Variants in ELOVL7 observed in about 807,000 individuals in gnomAD.
ELOVL7 encodes very long chain fatty acid elongase 7.
A neutral mutation model predicts 35.7 loss-of-function variants in ELOVL7; 27 were observed. The observed-to-expected ratio is 0.76, with a 90% CI of 0.56 to 1.04. The LOEUF is 1.04. Among genes scored for constraint, ELOVL7 ranks in the 50% least tolerant of loss-of-function variants. The pLI is 0.00. For synonymous variants in ELOVL7, 113 were observed against 114.6 expected, an observed-to-expected ratio of 0.99 and a Z score of 0.09; for missense variants, 327 against 340.8, an observed-to-expected ratio of 0.96 and a Z score of 0.32.
At chr5:60,821,504 A>T (rs949102443) in intron 1 of ELOVL7, among the ~76,000 whole-genome samples, 12 of 152,160 alleles carry the variant, frequency 7.9e-5, no homozygotes, top group African/African-American at 2.7e-4. Context: ...ATGACTAAAA[A>T]TCCTTGTTCG....
Position 60,753,441 on chromosome 5 carries a change from A to T in ELOVL7, c.*1183T>A, listed in dbSNP as rs980596343. On this transcript the variant is annotated 3_prime_UTR_variant, in exon 9 of 9. Coordinates refer to ENST00000508821, the MANE Select transcript of ELOVL7 (RefSeq NM_024930.3). Reference sequence around the variant, plus strand: ...TGTTAATTAATTCATAATTCCAGAAAATGTTTTATTGTTCAGTGTATCTAT... The same window carrying T: ...TGTTAATTAATTCATAATTCCAGAATATGTTTTATTGTTCAGTGTATCTAT... 14 of 152,150 alleles carry T rather than the reference A, an allele frequency of 9.2e-5. No homozygotes were observed. The highest frequency in any genetic ancestry group is 3.1e-4 in the African/African-American group (13 of 41,416). The allele number at this position is 152,150 out of a possible 1,614,324, so 9.4% of individuals were successfully genotyped here.
In ELOVL7 at chr5:60,811,183, A is replaced by G. The variant is rs867493474; in HGVS notation, c.-85-11953T>C. 6.6e-5 allele frequency among the ~76,000 whole-genome samples: 10 copies of G among 152,260 alleles called. No homozygotes were observed. The South Asian group carries it at 1.5e-3, about 22-fold the overall frequency. Reference sequence around the variant, plus strand: ...GTCAGTTGTACTTTTTTTAAAAAAAACTTTGCAAATTAGCTGCATTTTATT... The same window carrying G: ...GTCAGTTGTACTTTTTTTAAAAAAAGCTTTGCAAATTAGCTGCATTTTATT... On this transcript the variant is annotated intron_variant, in intron 1 of 8. Coordinates refer to ENST00000508821, the MANE Select transcript of ELOVL7 (RefSeq NM_024930.3).
At chr5:60,766,307 C>A (rs771481459) in intron 6 of ELOVL7, among the ~76,000 whole-genome samples, 12 of 152,138 alleles carry the variant, frequency 7.9e-5, no homozygotes, top group Non-Finnish European at 8.8e-5. Context: ...AGTCACCATG[C>A]TTATCATAAT....
At chr5:60,768,289 T>C (rs1742366889) in intron 4 of ELOVL7, among the ~76,000 whole-genome samples, 1 of 152,198 alleles carries the variant, frequency 6.6e-6, no homozygotes, top group Non-Finnish European at 1.5e-5. Context: ...AGGGAACACT[T>C]GGATCTGAAT....
intron 1 of ELOVL7, chr5:60,843,353 C>T (rs1276111961): frequency 2.1e-5 from 2 of 97,460 alleles, no homozygotes; most frequent in Non-Finnish European, 5.4e-5. Context: ...GCCCATTTCC[C>T]AACGAACCTG....
chr5:60,801,225 G>A (rs1203133565), intron 1 of ELOVL7, among the ~76,000 whole-genome samples: 1 of 152,120 alleles, frequency 6.6e-6, no homozygotes, highest in Non-Finnish European at 1.5e-5. Context: ...ACTATGCCTG[G>A]CCTGGACTAG....
chr5:60,834,939 C>T (rs1022560082), intron 1 of ELOVL7, among the ~76,000 whole-genome samples: 2 of 151,826 alleles, frequency 1.3e-5, no homozygotes, highest in African/African-American at 4.9e-5. Context: ...ACCTGTAATT[C>T]CAGCACTTTG....
In ELOVL7 at chr5:60,830,591, CT is replaced by C. The variant is rs1194123147; in HGVS notation, c.-86+13568del. On this transcript the variant is annotated intron_variant, in intron 1 of 8. Coordinates refer to ENST00000508821, the MANE Select transcript of ELOVL7 (RefSeq NM_024930.3). ...AGGTACAAGAGGAAACCATCAGAGG[CT>C]TTTTTTTTCTTTCTTTCTTTTTTTT... Among the ~76,000 whole-genome samples the C allele has an allele frequency of 6.9e-5, 10 of 145,968 alleles. No individual in the cohort carries two copies. The South Asian group carries it at 1.8e-3, about 26-fold the overall frequency.
chr5:60,760,614 C>A (rs998425707), intron 7 of ELOVL7, among the ~76,000 whole-genome samples: 5 of 152,140 alleles, frequency 3.3e-5, no homozygotes, highest in Admixed American at 1.3e-4. Context: ...ATGGTAGTTT[C>A]TTTTGCTGTG....
chr5:60,799,623 C>T lies in ELOVL7; in HGVS notation c.-85-393G>A, dbSNP rs935041608. ...AACCTTCCAGGATTAAATCATGAAGCGGGAGAAAATCTAAACAGACCAACA... is the reference window on the plus strand; with the variant it reads ...AACCTTCCAGGATTAAATCATGAAGTGGGAGAAAATCTAAACAGACCAACA... On this transcript the variant is annotated intron_variant, in intron 1 of 8. Coordinates refer to ENST00000508821, the MANE Select transcript of ELOVL7 (RefSeq NM_024930.3). Among the ~76,000 whole-genome samples the T allele has an allele frequency of 6.6e-5, 10 of 152,190 alleles. No individual in the cohort carries two copies. The South Asian group carries it at 8.3e-4, about 13-fold the overall frequency.
chr5:60,826,918 G>A (rs2112370725), intron 1 of ELOVL7, among the ~76,000 whole-genome samples: 1 of 152,202 alleles, frequency 6.6e-6, no homozygotes, highest in African/African-American at 2.4e-5. Flanking sequence ...TTAGCAGACT[G>A]TATTTGTATC....
intron 6 of ELOVL7, among the ~76,000 whole-genome samples, chr5:60,765,201 G>A (rs886678936): frequency 2.6e-5 from 4 of 152,134 alleles, no homozygotes; most frequent in South Asian, 2.1e-4. Context: ...AGTGCAAAAT[G>A]CGTTTGCTTA....
chr5:60,787,420 T>A lies in ELOVL7; in HGVS notation c.-23A>T. ...CATTTTCCACAGGATTTACTGGCTC[T>A]TTTAATGGGTTCTTCAGTAAAATAA... On this transcript the variant is annotated 5_prime_UTR_variant, in exon 3 of 9. The change creates a new upstream start codon in the 5' untranslated region. Transcript: ENST00000508821. 1 of 1,549,936 alleles carries A rather than the reference T, an allele frequency of 6.5e-7. No homozygotes were observed. The highest frequency in any genetic ancestry group is 8.7e-7 in the Non-Finnish European group (1 of 1,143,390).
chr5:60,754,522 T>C lies in ELOVL7; in HGVS notation c.*102A>G. 3 of 1,034,182 alleles carry C rather than the reference T, an allele frequency of 2.9e-6. No homozygotes were observed. Among genetic ancestry groups the C allele is most frequent in the Non-Finnish European group, 4.3e-6 (3 of 705,172 alleles). The allele number at this position is 1,034,182 out of a possible 1,614,324, so 64.1% of individuals were successfully genotyped here. Reference sequence around the variant, plus strand: ...AATAACTTACCATAAAAATACAAGCTCTTAGTTTTGAAAAATATACAAAAT... The same window carrying C: ...AATAACTTACCATAAAAATACAAGCCCTTAGTTTTGAAAAATATACAAAAT... On this transcript the variant is annotated 3_prime_UTR_variant, in exon 9 of 9. Coordinates refer to ENST00000508821, the MANE Select transcript of ELOVL7 (RefSeq NM_024930.3).
At chr5:60,793,773 T>C (rs1744081708) in intron 2 of ELOVL7, among the ~76,000 whole-genome samples, 1 of 152,028 alleles carries the variant, frequency 6.6e-6, no homozygotes, top group Non-Finnish European at 1.5e-5. Context: ...CTGGGGCCCA[T>C]GATGGTGAAA....
intron 7 of ELOVL7, among the ~76,000 whole-genome samples, chr5:60,758,712 G>A (rs909428904): frequency 3.3e-5 from 5 of 152,308 alleles, no homozygotes; most frequent in East Asian, 1.9e-4. Flanking sequence ...AAGGGGAAAC[G>A]GTGTTTAGCT....
intron 7 of ELOVL7, among the ~76,000 whole-genome samples, chr5:60,762,308 A>C (rs1300422583): frequency 1.4e-4 from 21 of 151,632 alleles, no homozygotes; most frequent in African/African-American, 5.1e-4. Flanking sequence ...TCAAAAAAAA[A>C]AAAAAAAAAA....
chr5:60,764,344 T>G lies in ELOVL7; in HGVS notation c.394-12A>C, dbSNP rs778418111. On this transcript the variant is annotated splice_polypyrimidine_tract_variant and intron_variant, in intron 6 of 8. Transcript: ENST00000508821. Reference sequence around the variant, plus strand: ...AGAACAAAAAAGATCTGAAATAATTTAAAGAATATCAAGTTCACAGAAAAT... The same window carrying G: ...AGAACAAAAAAGATCTGAAATAATTGAAAGAATATCAAGTTCACAGAAAAT... 6.3e-7 allele frequency: 1 copy of G among 1,579,756 alleles called. No homozygotes were observed. The highest frequency in any genetic ancestry group is 8.7e-7 in the Non-Finnish European group (1 of 1,149,588).
chr5:60,795,832 C>T (rs563822860), intron 2 of ELOVL7, among the ~76,000 whole-genome samples: 72 of 111,064 alleles, frequency 6.5e-4, no homozygotes, highest in African/African-American at 2.8e-3. Flanking sequence ...TCTTCCGTGA[C>T]CCACGGCTTC....
Sources: allele counts gnomAD v4.1 joint callset (sites outside exome capture counted in the v4.1 genomes callset), GRCh38; gene constraint gnomAD v4.1.1; transcripts MANE v1.5; gene names NCBI Gene and HGNC (gene_info 2026-07-23, HGNC 2026-07-21).